PARVB: variants seen among roughly 807,000 people sequenced by gnomAD.
PARVB encodes parvin beta.
A neutral mutation model predicts 47.0 loss-of-function variants in PARVB; 46 were observed. The ratio of observed to expected loss-of-function variants is 0.98; its 90% CI spans 0.77 to 1.25. The LOEUF (loss-of-function observed/expected upper bound fraction) is 1.25. Ranked by LOEUF, PARVB falls within the 50% of genes most tolerant of loss-of-function variation. The pLI is 0.00. For synonymous variants in PARVB, 196 were observed against 196.3 expected (o/e 1.00, Z 0.01); for missense variants, 473 against 471.6 (o/e 1.00, Z -0.03).
intron 3 of PARVB, among the ~76,000 whole-genome samples, chr22:44,100,472 G>GT: frequency 6.6e-6 from 1 of 152,134 alleles, no homozygotes; most frequent in East Asian, 1.9e-4. Context: ...CTGGAGCCTG[G>GT]TGGGGTCTAG....
chr22:44,156,562 C>G lies in PARVB; in HGVS notation c.844-1420C>G, dbSNP rs143813911. ...AAAGTGCTAGGATTACAGGCGTGAG[C>G]CACTGCGCCTAGAAGTTTTTACTTT... On this transcript the variant is annotated intron_variant, in intron 10 of 12. Transcript: ENST00000338758. Among the ~76,000 whole-genome samples, 4 of 152,258 alleles carry G rather than the reference C, an allele frequency of 2.6e-5. No individual in the cohort carries two copies. The East Asian group carries it at 7.7e-4, about 29-fold the overall frequency.
intron 6 of PARVB, among the ~76,000 whole-genome samples, chr22:44,134,056 C>G (rs113070595): frequency 6.6e-6 from 1 of 152,074 alleles, no homozygotes; most frequent in Non-Finnish European, 1.5e-5. Flanking sequence ...TTATTTTACT[C>G]GAGACATCCG....
At chr22:44,057,650 T>C (rs1409567208) in intron 1 of PARVB, among the ~76,000 whole-genome samples, 1 of 151,972 alleles carries the variant, frequency 6.6e-6, no homozygotes, top group Non-Finnish European at 1.5e-5. Context: ...ACGGTTTGTC[T>C]TGCCAGATGT....
chr22:44,102,608 T>A (rs1268403736), intron 3 of PARVB, among the ~76,000 whole-genome samples: 1 of 151,674 alleles, frequency 6.6e-6, no homozygotes, highest in South Asian at 2.1e-4. Flanking sequence ...GAGGCCAAGG[T>A]TGGGGGGAAT....
At chr22:44,066,738 A>G (rs1424801432) in intron 1 of PARVB, among the ~76,000 whole-genome samples, 6 of 149,144 alleles carry the variant, frequency 4.0e-5, no homozygotes, top group African/African-American at 1.5e-4. Flanking sequence ...TGGGGCCTTG[A>G]TGAGAATCAA....
intron 8 of PARVB, chr22:44,143,851 A>C (rs1209807014): frequency 6.6e-6 from 1 of 152,278 alleles, no homozygotes; most frequent in Admixed American, 6.5e-5. Context: ...GCTCTTTCTG[A>C]GGCAGAGGGG....
intron 1 of PARVB, among the ~76,000 whole-genome samples, chr22:44,074,497 C>T (rs897224753): frequency 1.3e-5 from 2 of 152,180 alleles, no homozygotes; most frequent in African/African-American, 2.4e-5. Flanking sequence ...CGGATGCTTC[C>T]TTGGGGAGGG....
rs2054256995 is a variant in PARVB, at chr22:44,170,521, G to T, written c.*1843G>T. ...TGTTACTCTCCCTGTAGCCCTGAGA[G>T]CATCTCCCTTAGAGTATCCTATAAA... On this transcript the variant is annotated 3_prime_UTR_variant, in exon 13 of 13. Coordinates refer to ENST00000338758, the MANE Select transcript of PARVB (RefSeq NM_013327.5). 6.6e-6 allele frequency: 1 copy of T among 152,188 alleles called. No homozygotes were observed. Among genetic ancestry groups the T allele is most frequent in the Non-Finnish European group, 1.5e-5 (1 of 68,024 alleles). 9.4% of individuals were successfully genotyped at this position (152,188 alleles called of 1,614,324 possible).
chr22:44,080,004 G>A (rs892936161), intron 1 of PARVB, among the ~76,000 whole-genome samples: 1 of 152,196 alleles, frequency 6.6e-6, no homozygotes, highest in Non-Finnish European at 1.5e-5. Context: ...AATGGCCCGC[G>A]GCAGCCTTAG....
At chr22:44,036,314 T>G (rs1457128807) in intron 1 of PARVB, among the ~76,000 whole-genome samples, 2 of 152,240 alleles carry the variant, frequency 1.3e-5, no homozygotes, top group African/African-American at 2.4e-5. Context: ...TCTTTACATT[T>G]GTTTACATTT....
chr22:44,161,069 T>G (rs1405677538), intron 11 of PARVB, among the ~76,000 whole-genome samples: 2 of 152,186 alleles, frequency 1.3e-5, no homozygotes, highest in African/African-American at 4.8e-5. Context: ...CTATTCCCTC[T>G]CTTTGCTATC....
At position 44,087,145 on chromosome 22, in the gene PARVB, T is replaced by G. The variant is rs993986397; in HGVS notation, c.113-6783T>G. The stretch of plus-strand genomic sequence containing the variant: ...CAGCTTTCCTGCCATTTTCCAGTTC[T>G]TTTAGATGTGCAGGGATGGAGAATG... On this transcript the variant is annotated intron_variant, in intron 1 of 12. Transcript: ENST00000338758. 2.0e-5 allele frequency: 3 copies of G among 152,260 alleles called. No homozygotes were observed. In the South Asian group the frequency reaches 6.2e-4, roughly 32 times the overall value. The allele number at this position is 152,260 out of a possible 1,614,324, so 9.4% of individuals were successfully genotyped here.
chr22:44,061,437 A>AAAACAAAACG (rs1330049629), intron 1 of PARVB, among the ~76,000 whole-genome samples: 1 of 10,240 alleles, frequency 9.8e-5, no homozygotes, highest in Non-Finnish European at 1.7e-4. Context: ...TCTCAAAAAC[A>AAAACAAAACG]AAACAAAACA....
At chr22:44,123,707 G>A (rs906479188) in intron 4 of PARVB, among the ~76,000 whole-genome samples, 7 of 151,324 alleles carry the variant, frequency 4.6e-5, no homozygotes, top group African/African-American at 1.7e-4. Flanking sequence ...GAGCCACTGC[G>A]CCTGGCCAAT....
At chr22:44,030,365 C>T (rs1415443301) in intron 1 of PARVB, among the ~76,000 whole-genome samples, 1 of 152,190 alleles carries the variant, frequency 6.6e-6, no homozygotes, top group Non-Finnish European at 1.5e-5. Context: ...TGTAAATTAG[C>T]CCAGGGAGGG....
intron 2 of PARVB, among the ~76,000 whole-genome samples, chr22:44,001,326 A>G (rs980723888): frequency 2.0e-5 from 3 of 152,208 alleles, no homozygotes; most frequent in African/African-American, 7.2e-5. Context: ...AAATCTAAGT[A>G]CAGATGCTCG....
rs928425038 is a variant in PARVB at position 44,132,952 on chromosome 22, C to G, written c.576C>G (p.His192Gln). 5 of 1,614,034 alleles carry G rather than the reference C, an allele frequency of 3.1e-6. No individual in the cohort carries two copies. The highest frequency in any genetic ancestry group is 4.2e-6 in the Non-Finnish European group (5 of 1,180,016). The change falls in exon 6 of 13, where the codon CAC (histidine) becomes CAG (glutamine). Residue 192 changes from histidine to glutamine, a missense_variant. Coordinates refer to ENST00000338758, the MANE Select transcript of PARVB (RefSeq NM_013327.5). ...ACCTGCTGGTCTCTCTGGCCATGCA[C>G]TTCAGGGCCCCCATCCGCCTTCCTG... ...ILHLLVSLAM[H>Q]FRAPIRLPEH...
At chr22:44,161,178 C>T (rs566253109) in intron 11 of PARVB, among the ~76,000 whole-genome samples, 10 of 151,956 alleles carry the variant, frequency 6.6e-5, no homozygotes, top group East Asian at 1.9e-4. Flanking sequence ...ATGATATGGA[C>T]GGTGGTCAGC....
intron 1 of PARVB, among the ~76,000 whole-genome samples, chr22:44,076,607 A>G (rs2051779172): frequency 6.6e-6 from 1 of 152,140 alleles, no homozygotes; most frequent in Admixed American, 6.5e-5. Flanking sequence ...GGAGCAGTGT[A>G]TGCCTCGTGG....
Sources: allele counts gnomAD v4.1 joint callset (sites outside exome capture counted in the v4.1 genomes callset), GRCh38; gene constraint gnomAD v4.1.1; transcripts MANE v1.5; gene names NCBI Gene and HGNC (gene_info 2026-07-23, HGNC 2026-07-21).